Variants in SNX8 observed in about 807,000 individuals in gnomAD.
SNX8 encodes the protein sorting nexin-8.
A neutral mutation model predicts 51.6 loss-of-function variants in SNX8; 25 were observed. That is an observed-to-expected ratio of 0.48 (90% CI 0.35 to 0.68). The LOEUF (loss-of-function observed/expected upper bound fraction) is 0.68. Ranked by LOEUF, SNX8 falls within the 30% of genes least tolerant of loss-of-function variation. The pLI is 0.00. For missense variants in SNX8, 695 were observed against 624.0 expected, an observed-to-expected ratio of 1.11 and a Z score of -1.21; for synonymous variants, 324 against 277.0, an observed-to-expected ratio of 1.17 and a Z score of -1.68.
At chr7:2,340,238 A>ATT (rs773460984) in intron 1 of SNX8, among the ~76,000 whole-genome samples, 1 of 144,190 alleles carries the variant, frequency 6.9e-6, no homozygotes, top group African/African-American at 2.5e-5. Flanking sequence ...AATTTTCATA[A>ATT]TTTTTTTTTT....
chr7:2,342,774 G>C (rs1778956758), intron 1 of SNX8, among the ~76,000 whole-genome samples: 2 of 151,970 alleles, frequency 1.3e-5, no homozygotes, highest in Non-Finnish European at 2.9e-5. Flanking sequence ...TAGCCCATCA[G>C]CCAAATAGGG....
At chr7:2,342,346 G>A (rs898964401) in intron 1 of SNX8, among the ~76,000 whole-genome samples, 1 of 151,504 alleles carries the variant, frequency 6.6e-6, no homozygotes, top group Non-Finnish European at 1.5e-5. Context: ...ATAATCTCAA[G>A]GGTTTTATTA....
chr7:2,331,869 G>C lies in SNX8; in HGVS notation c.-66+22353C>G, dbSNP rs150547388. 4.5e-4 allele frequency among the ~76,000 whole-genome samples: 66 copies of C among 145,214 alleles called. 1 individual carries two copies. In the East Asian group the frequency reaches 0.013, roughly 28 times the overall value. Reference sequence around the variant, plus strand: ...CACTCCAGCCTGGGTGACACAGCAAGATTCTGTCTCAAAAAAAAGAAATAT... The same window carrying C: ...CACTCCAGCCTGGGTGACACAGCAACATTCTGTCTCAAAAAAAAGAAATAT... On this transcript the variant is annotated intron_variant, in intron 1 of 5. Transcript: ENST00000435336.
intron 1 of SNX8, among the ~76,000 whole-genome samples, chr7:2,335,802 CAAAAAAA>C (rs1173439746): frequency 8.2e-4 from 25 of 30,642 alleles, no homozygotes; most frequent in South Asian, 1.1e-3. Context: ...GACTCTGTCT[CAAAAAAA>C]AAAAAAAAAA....
At chr7:2,338,662 A>G (rs1465066822) in intron 1 of SNX8, among the ~76,000 whole-genome samples, 1 of 152,032 alleles carries the variant, frequency 6.6e-6, no homozygotes, top group African/African-American at 2.4e-5. Context: ...GAAGGAAGAA[A>G]TACAATGATT....
chr7:2,268,042 G>A (rs1241604546), intron 5 of SNX8, among the ~76,000 whole-genome samples: 10 of 140,428 alleles, frequency 7.1e-5, no homozygotes, highest in Non-Finnish European at 1.6e-4. Context: ...TGCCCGGCCA[G>A]CCACCCCGTC....
chr7:2,289,112 G>C (rs528617539), intron 1 of SNX8, among the ~76,000 whole-genome samples: 8 of 152,148 alleles, frequency 5.3e-5, no homozygotes, highest in East Asian at 1.9e-4. Flanking sequence ...ATCAGGCTGC[G>C]AGACCTGTTG....
At chr7:2,332,437 C>A (rs964184852) in intron 1 of SNX8, among the ~76,000 whole-genome samples, 7 of 152,018 alleles carry the variant, frequency 4.6e-5, no homozygotes, top group Admixed American at 3.3e-4. Context: ...TATAGATAAG[C>A]AAATCATCTT....
Position 2,269,652 on chromosome 7 carries a change from AAC to A in SNX8, c.541-15_541-14del, listed in dbSNP as rs1423257446. 12 of 1,577,562 alleles carry A rather than the reference AAC, an allele frequency of 7.6e-6. No individual in the cohort carries two copies. The highest frequency in any genetic ancestry group is 5.4e-5 in the Admixed American group (3 of 55,434). ...TGTTCTGCACATCCTGCAAAAGGAA[AAC>A]ACACAGCTTCACCCTCTTCTACTAG... On this transcript the variant is annotated splice_polypyrimidine_tract_variant and intron_variant, in intron 4 of 10. Transcript: ENST00000222990.
intron 1 of SNX8, among the ~76,000 whole-genome samples, chr7:2,347,587 C>T (rs1265931826): frequency 2.0e-5 from 3 of 147,108 alleles, no homozygotes; most frequent in Non-Finnish European, 4.5e-5. Flanking sequence ...CAGGGAAGTT[C>T]AGATGATTTG....
At chr7:2,340,521 C>T (rs1217402777) in intron 1 of SNX8, among the ~76,000 whole-genome samples, 1 of 151,090 alleles carries the variant, frequency 6.6e-6, no homozygotes. Context: ...TATATTTTTA[C>T]AGGTTCCTTT....
chr7:2,315,748 A>G (rs548223479), upstream of SNX8, among the ~76,000 whole-genome samples: 2 of 146,010 alleles, frequency 1.4e-5, no homozygotes, highest in South Asian at 4.4e-4. Flanking sequence ...TCACCCACTC[A>G]CTCACTTACT....
chr7:2,265,481 C>A (rs545271194), intron 5 of SNX8, among the ~76,000 whole-genome samples: 2 of 151,926 alleles, frequency 1.3e-5, no homozygotes, highest in East Asian at 3.9e-4. Flanking sequence ...CCATCTCTCC[C>A]AAAAAATCAA....
chr7:2,328,700 C>T (rs1778672179), intron 1 of SNX8, among the ~76,000 whole-genome samples: 1 of 152,046 alleles, frequency 6.6e-6, no homozygotes, highest in Non-Finnish European at 1.5e-5. Flanking sequence ...GCCTGTAATC[C>T]CAGCACTTTG....
intron 1 of SNX8, among the ~76,000 whole-genome samples, chr7:2,289,157 G>C (rs1305126925): frequency 6.6e-6 from 1 of 152,158 alleles, no homozygotes; most frequent in Non-Finnish European, 1.5e-5. Flanking sequence ...TGCCCCTGTG[G>C]TGGGCGCCGC....
chr7:2,286,524 T>A (rs74798557), intron 1 of SNX8, among the ~76,000 whole-genome samples: 45,391 of 147,038 alleles, frequency 0.31, 7,960 homozygotes, highest in East Asian at 0.59. Context: ...ATTTTATAAT[T>A]TTTTTTTTTT....
In SNX8 at chr7:2,335,370, C is replaced by T. The variant is rs115694608; in HGVS notation, c.-66+18852G>A. On this transcript the variant is annotated intron_variant, in intron 1 of 5. Coordinates refer to the SNX8 transcript ENST00000435336. ...GAAGCCTCTCAAACAGCATGCTAGC[C>T]GGGCGTGGTGGCTCACGCCTGTAAT... 2.8e-3 allele frequency among the ~76,000 whole-genome samples: 423 copies of T among 151,764 alleles called. 2 individuals carry two copies. The highest frequency in any genetic ancestry group is 9.6e-3 in the African/African-American group (396 of 41,364).
intron 1 of SNX8, among the ~76,000 whole-genome samples, chr7:2,341,505 A>G (rs756700925): frequency 5.3e-5 from 8 of 151,636 alleles, no homozygotes; most frequent in Non-Finnish European, 8.8e-5. Flanking sequence ...ATCTCAAAAA[A>G]AAGCAAAAAT....
chr7:2,257,951 C>T, intron 7 of SNX8, 148 bp from the exon 8 acceptor site: 3 of 683,460 alleles, frequency 4.4e-6, no homozygotes, highest in Non-Finnish European at 5.1e-6. Context: ...CTGCAGGGGG[C>T]CCCCTTCCCC....
Sources: allele counts gnomAD v4.1 joint callset (sites outside exome capture counted in the v4.1 genomes callset), GRCh38; gene constraint gnomAD v4.1.1; transcripts MANE v1.5; gene names NCBI Gene and HGNC (gene_info 2026-07-23, HGNC 2026-07-21).